NCALD: variants seen among roughly 807,000 people sequenced by gnomAD.
NCALD encodes neurocalcin-delta.
NCALD carries 10 observed loss-of-function variants against 18.6 expected under a neutral mutation model. The observed-to-expected ratio is 0.54, with a 90% CI of 0.33 to 0.91. The LOEUF (loss-of-function observed/expected upper bound fraction) is 0.91. Ranked by LOEUF, NCALD falls within the 40% of genes least tolerant of loss-of-function variation. NCALD has a pLI of 0.03. For missense variants in NCALD, 184 were observed against 247.6 expected (o/e 0.74, Z 1.72); for synonymous variants, 88 against 87.4 (o/e 1.01, Z -0.04).
At chr8:101,970,751 T>TCTGCC (rs1820210604) in intron 2 of NCALD, among the ~76,000 whole-genome samples, 1 of 152,142 alleles carries the variant, frequency 6.6e-6, no homozygotes, top group Non-Finnish European at 1.5e-5. Flanking sequence ...GCTGTTCAAA[T>TCTGCC]CTGCCCCCTC....
At chr8:101,943,134 G>A (rs1563919273) in intron 2 of NCALD, among the ~76,000 whole-genome samples, 1 of 152,156 alleles carries the variant, frequency 6.6e-6, no homozygotes. Flanking sequence ...TTGAGAAATG[G>A]TTTGCAATGG....
intron 4 of NCALD, among the ~76,000 whole-genome samples, chr8:101,851,486 A>G (rs1308564556): frequency 2.0e-5 from 3 of 152,186 alleles, no homozygotes; most frequent in Non-Finnish European, 2.9e-5. Context: ...CTTGCCTATC[A>G]TATTTACTTT....
Position 101,848,923 on chromosome 8 carries a change from C to A in NCALD, c.-20+38218G>T, listed in dbSNP as rs540050456. Reference sequence around the variant, plus strand: ...GATACATGCACACGTATGTTCATTGCAGCACTATTCACAATAGCAAAGACA... The same window carrying A: ...GATACATGCACACGTATGTTCATTGAAGCACTATTCACAATAGCAAAGACA... On this transcript the variant is annotated intron_variant, in intron 4 of 6. Coordinates refer to the NCALD transcript ENST00000311028. 4.6e-5 allele frequency among the ~76,000 whole-genome samples: 7 copies of A among 152,234 alleles called. No homozygotes were observed. In the East Asian group the frequency reaches 1.4e-3, roughly 29 times the overall value.
intron 1 of NCALD, among the ~76,000 whole-genome samples, chr8:102,094,294 A>G (rs926006075): frequency 1.2e-4 from 19 of 152,254 alleles, no homozygotes; most frequent in African/African-American, 4.3e-4. Flanking sequence ...GCATTAAATG[A>G]GCACTTAGTC....
At chr8:101,931,311 C>G (rs954748284) in intron 2 of NCALD, among the ~76,000 whole-genome samples, 3 of 152,212 alleles carry the variant, frequency 2.0e-5, no homozygotes, top group African/African-American at 4.8e-5. Flanking sequence ...GAAACCAAGG[C>G]TCCTCCAATA....
In NCALD at chr8:101,690,390, C is replaced by A. The variant is rs1185508694; in HGVS notation, c.485-984G>T. ...CCTTTTTCTCTTGAAAGGAGCTGCCCCAGAGAGGATTTATTTCCATCTGCT... is the reference window on the plus strand; with the variant it reads ...CCTTTTTCTCTTGAAAGGAGCTGCCACAGAGAGGATTTATTTCCATCTGCT... On this transcript the variant is annotated intron_variant, in intron 3 of 3. Coordinates refer to ENST00000220931, the MANE Select transcript of NCALD (RefSeq NM_032041.3). 3.0e-6 allele frequency: 3 copies of A among 984,994 alleles called. No individual in the cohort carries two copies. The African/African-American group carries it at 5.2e-5, about 17-fold the overall frequency. 61.0% of individuals were successfully genotyped at this position (984,994 alleles called of 1,614,324 possible). A position where few individuals can be genotyped will look rare whatever the true frequency, so the allele number is the denominator to read the frequency against.
intron 1 of NCALD, among the ~76,000 whole-genome samples, chr8:101,758,027 C>A (rs750592886): frequency 3.3e-5 from 5 of 152,120 alleles, no homozygotes; most frequent in Non-Finnish European, 5.9e-5. Context: ...TGGCCTCAAA[C>A]ATTCCTCCTG....
chr8:101,779,040 G>A (rs1183069210), intron 1 of NCALD, among the ~76,000 whole-genome samples: 2 of 152,120 alleles, frequency 1.3e-5, no homozygotes, highest in African/African-American at 4.8e-5. Context: ...CTGCTTTCCA[G>A]GTTGCTAGAA....
At chr8:101,985,143 G>A (rs972564678) in intron 2 of NCALD, among the ~76,000 whole-genome samples, 1 of 152,188 alleles carries the variant, frequency 6.6e-6, no homozygotes, top group Non-Finnish European at 1.5e-5. Context: ...CCGCCGCCAT[G>A]CTGCGTGGAA....
chr8:102,103,185 TC>T (rs1358328768), intron 1 of NCALD, among the ~76,000 whole-genome samples: 2 of 151,952 alleles, frequency 1.3e-5, no homozygotes, highest in Non-Finnish European at 2.9e-5. Flanking sequence ...CCCCGTGCCT[TC>T]CCTCCCCTCT....
rs190975129 is a variant in NCALD at position 101,687,418 on chromosome 8, A to G, written c.*1891T>C. 2 of 152,798 alleles carry G rather than the reference A, an allele frequency of 1.3e-5. No homozygotes were observed. The highest frequency in any genetic ancestry group is 3.9e-4 in the East Asian group (2 of 5,188). The allele number at this position is 152,798 out of a possible 1,614,324, so 9.5% of individuals were successfully genotyped here. On this transcript the variant is annotated 3_prime_UTR_variant, in exon 4 of 4. Transcript: ENST00000220931. ...ATGGAGGAATTTGGCAAGTTTTGGT[A>G]CAGAACCACTGTGAGGAACTGACCC...
intron 4 of NCALD, among the ~76,000 whole-genome samples, chr8:101,807,881 T>G (rs1174656128): frequency 6.6e-6 from 1 of 152,082 alleles, no homozygotes. Context: ...ATCTCATAGT[T>G]GGGAAAAGAA....
intron 2 of NCALD, among the ~76,000 whole-genome samples, chr8:101,944,304 A>T (rs752943975): frequency 6.6e-6 from 1 of 152,152 alleles, no homozygotes; most frequent in Non-Finnish European, 1.5e-5. Flanking sequence ...GCTTATGTGT[A>T]CCCTGTCCAA....
At chr8:102,089,572 C>T (rs547089154) in intron 1 of NCALD, among the ~76,000 whole-genome samples, 9 of 151,824 alleles carry the variant, frequency 5.9e-5, no homozygotes, top group South Asian at 2.1e-4. Context: ...AAGTAAAAAG[C>T]GTAATGCCTT....
chr8:101,876,420 T>C (rs572812446), intron 4 of NCALD, among the ~76,000 whole-genome samples: 1 of 152,340 alleles, frequency 6.6e-6, no homozygotes, highest in African/African-American at 2.4e-5. Context: ...TGAACAGTAT[T>C]ATAGCAAGTT....
chr8:101,802,759 C>T (rs1812915607), intron 4 of NCALD, among the ~76,000 whole-genome samples: 1 of 151,936 alleles, frequency 6.6e-6, no homozygotes, highest in South Asian at 2.1e-4. Context: ...AACTTTGAAT[C>T]TAGCAAAGGT....
intron 2 of NCALD, among the ~76,000 whole-genome samples, chr8:101,717,267 CA>C (rs1816130690): frequency 3.3e-5 from 5 of 152,172 alleles, no homozygotes; most frequent in Admixed American, 1.3e-4. Context: ...AGCTAAACCA[CA>C]GGAAGCGATG....
chr8:101,841,971 C>G (rs534463160), intron 4 of NCALD, among the ~76,000 whole-genome samples: 1 of 152,300 alleles, frequency 6.6e-6, no homozygotes, highest in South Asian at 2.1e-4. Flanking sequence ...GCTCCCATAA[C>G]AAAGTACCAC....
chr8:102,119,582 T>C (rs1036631870), intron 1 of NCALD, among the ~76,000 whole-genome samples: 1 of 152,206 alleles, frequency 6.6e-6, no homozygotes, highest in African/African-American at 2.4e-5. Context: ...GTTATGTATA[T>C]TTAACCACAG....
Sources: gnomAD v4.1 joint callset for allele counts (sites outside exome capture counted in the v4.1 genomes callset) on GRCh38, gnomAD v4.1.1 for gene constraint, MANE v1.5 for transcripts, NCBI Gene and HGNC (gene_info 2026-07-23, HGNC 2026-07-21) for gene names.